Variants in MID1 observed in about 807,000 individuals in gnomAD.
MID1 encodes midline 1.
In MID1, 7 loss-of-function variants were observed where a neutral mutation model predicts 40.4. That is an observed-to-expected ratio of 0.17 (90% CI 0.10 to 0.33). The LOEUF is 0.33. MID1 is among the 10% of genes least tolerant of loss of function. MID1 has a pLI of 1.00. For synonymous variants in MID1, 229 were observed against 221.2 expected, an observed-to-expected ratio of 1.04 and a Z score of -0.31; for missense variants, 367 against 558.5, an observed-to-expected ratio of 0.66 and a Z score of 3.46.
chrX:10,730,246 C>T (rs987052091), intron 1 of MID1, among the ~76,000 whole-genome samples: 10 of 110,566 alleles, frequency 9.0e-5, no homozygotes, highest in African/African-American at 3.3e-4. Flanking sequence ...ATTTAAATTA[C>T]TTGATCTGTA....
chrX:10,626,311 CTAT>C (rs772195870), intron 1 of MID1, among the ~76,000 whole-genome samples: 2,461 of 101,803 alleles, frequency 0.024, 69 homozygotes, highest in African/African-American at 0.079. Flanking sequence ...TCATATGAAA[CTAT>C]TATTATTATT....
chrX:10,472,643 T>A lies in MID1; in HGVS notation c.1141+1980A>T, dbSNP rs6640652. On this transcript the variant is annotated intron_variant, in intron 6 of 9. Transcript: ENST00000317552. ...CATAAGTGGAAGTTTGCTAGGCGGG[T>A]CTTCTGATCAAGCTTTTTGTTTTTC... Among the ~76,000 whole-genome samples, 307 of 111,867 alleles carry A rather than the reference T, an allele frequency of 2.7e-3. 2 individuals carry two copies. The highest frequency in any genetic ancestry group is 0.022 in the Admixed American group (229 of 10,565).
intron 1 of MID1, among the ~76,000 whole-genome samples, chrX:10,583,696 G>C (rs1389294308): frequency 8.9e-6 from 1 of 112,145 alleles, no homozygotes; most frequent in African/African-American, 3.2e-5. Context: ...AGTCCATTTT[G>C]TGCTGCTATA....
At chrX:10,557,849 T>A (rs1934180981) in intron 2 of MID1, among the ~76,000 whole-genome samples, 1 of 111,652 alleles carries the variant, frequency 9.0e-6, no homozygotes, top group African/African-American at 3.3e-5. Flanking sequence ...GGGCAGGACC[T>A]TGAATCTCAC....
At chrX:10,487,486 A>G (rs1930681548) in intron 4 of MID1, among the ~76,000 whole-genome samples, 1 of 112,129 alleles carries the variant, frequency 8.9e-6, no homozygotes, top group Non-Finnish European at 1.9e-5. Context: ...GAATTGAGAT[A>G]GAATTTACAT....
chrX:10,659,239 G>A (rs1409175559), intron 1 of MID1, among the ~76,000 whole-genome samples: 1 of 111,924 alleles, frequency 8.9e-6, no homozygotes, highest in Non-Finnish European at 1.9e-5. Flanking sequence ...TGAGAAGCAG[G>A]AACATTTAGG....
intron 2 of MID1, among the ~76,000 whole-genome samples, chrX:10,534,413 C>T (rs1166271164): frequency 8.9e-6 from 1 of 112,001 alleles, no homozygotes; most frequent in Non-Finnish European, 1.9e-5. Flanking sequence ...GCCAGCACCA[C>T]GCATCCTGCA....
chrX:10,580,679 C>T (rs979281223), intron 1 of MID1, among the ~76,000 whole-genome samples: 4 of 111,026 alleles, frequency 3.6e-5, no homozygotes, highest in Non-Finnish European at 7.5e-5. Context: ...TCTGATTTTG[C>T]GCTCCATTAA....
intron 6 of MID1, among the ~76,000 whole-genome samples, chrX:10,470,288 A>G (rs1351805827): frequency 1.8e-5 from 2 of 111,986 alleles, no homozygotes; most frequent in Admixed American, 1.9e-4. Flanking sequence ...TTGTAGCATG[A>G]AAACAGTCAC....
At chrX:10,818,266 G>A (rs749873901) in intron 1 of MID1, among the ~76,000 whole-genome samples, 18 of 112,157 alleles carry the variant, frequency 1.6e-4, no homozygotes, top group Non-Finnish European at 3.0e-4. Flanking sequence ...GAGTCAACAC[G>A]TTACAATGGT....
Position 10,620,322 on chromosome X carries a change from G to C in MID1, c.-89C>G, listed in dbSNP as rs1487477651. The C allele has an allele frequency of 8.9e-6, 1 of 112,451 alleles. No individual in the cohort carries two copies. Among genetic ancestry groups the C allele is most frequent in the African/African-American group, 3.2e-5 (1 of 30,958 alleles). The allele number at this position is 112,451 out of a possible 1,213,427, so 9.3% of individuals were successfully genotyped here. ...ATGTTTAGAATCCCATGACCCATCC[G>C]GCAGGGAGCGAGCTGCATCGGAGCC... is the stretch of plus-strand genomic sequence containing the variant. On this transcript the variant is annotated 5_prime_UTR_variant, in exon 1 of 10. Transcript: ENST00000317552.
At chrX:10,533,331 A>G (rs768319284) in intron 2 of MID1, among the ~76,000 whole-genome samples, 155 of 54,698 alleles carry the variant, frequency 2.8e-3, no homozygotes, top group African/African-American at 0.011. Flanking sequence ...AAGAAAGGAA[A>G]GAAAGAAAGA....
chrX:10,621,722 C>G (rs1049427706), upstream of MID1, among the ~76,000 whole-genome samples: 3 of 109,809 alleles, frequency 2.7e-5, no homozygotes, highest in African/African-American at 1.0e-4. Flanking sequence ...GGCCTGGAAG[C>G]CCATAACGCT....
chrX:10,489,468 C>T (rs1930808741), intron 4 of MID1, among the ~76,000 whole-genome samples: 1 of 112,187 alleles, frequency 8.9e-6, no homozygotes, highest in African/African-American at 3.2e-5. Context: ...ATTGCTCCAG[C>T]ACCAGTTACT....
chrX:10,613,734 G>T (rs1633835), intron 1 of MID1, among the ~76,000 whole-genome samples: 1,130 of 38,575 alleles, frequency 0.029, 3 homozygotes, highest in African/African-American at 0.052. Flanking sequence ...TATATATATA[G>T]AGAGAGAGAG....
intron 1 of MID1, among the ~76,000 whole-genome samples, chrX:10,790,437 T>G (rs1446851958): frequency 9.0e-6 from 1 of 110,883 alleles, no homozygotes; most frequent in Non-Finnish European, 1.9e-5. Flanking sequence ...TCAGTGTGAC[T>G]CCAGCACCCT....
Position 10,519,493 on chromosome X carries a change from C to T in MID1, c.756+3599G>A, listed in dbSNP as rs1932606540. Among the ~76,000 whole-genome samples the T allele has an allele frequency of 2.7e-5, 3 of 111,697 alleles. No individual in the cohort carries two copies. The Admixed American group carries it at 2.9e-4, about 11-fold the overall frequency. ...GGTTCAAAAGGTCTGGATTCTGCAA[C>T]ACACTGCTGCCTTCACACTCTCAAC... On this transcript the variant is annotated intron_variant, in intron 3 of 9. Coordinates refer to ENST00000317552, the MANE Select transcript of MID1 (RefSeq NM_000381.4).
intron 3 of MID1, among the ~76,000 whole-genome samples, chrX:10,513,320 G>T (rs1403968741): frequency 8.9e-6 from 1 of 111,788 alleles, no homozygotes; most frequent in African/African-American, 3.3e-5. Context: ...CAAAATGGTG[G>T]ATTGATTGTT....
intron 1 of MID1, among the ~76,000 whole-genome samples, chrX:10,585,194 G>A (rs780149083): frequency 2.4e-4 from 27 of 111,170 alleles, no homozygotes; most frequent in African/African-American, 7.2e-4. Flanking sequence ...GCTAGGCGCC[G>A]GGCTACCTGC....
Sources: gnomAD v4.1 joint callset for allele counts (sites outside exome capture counted in the v4.1 genomes callset) on GRCh38, gnomAD v4.1.1 for gene constraint, MANE v1.5 for transcripts, NCBI Gene and HGNC (gene_info 2026-07-23, HGNC 2026-07-21) for gene names.